ADAM12: variants seen among roughly 807,000 people sequenced by gnomAD.
The protein encoded by ADAM12 is ADAM metallopeptidase domain 12, also known as disintegrin and metalloproteinase domain-containing protein 12.
In ADAM12, 70 loss-of-function variants were observed where a neutral mutation model predicts 106.4. That is an observed-to-expected ratio of 0.66 (90% CI 0.54 to 0.80). The LOEUF (loss-of-function observed/expected upper bound fraction) is 0.80. Among genes scored for constraint, ADAM12 ranks in the 30% least tolerant of loss-of-function variants. ADAM12 has a pLI of 0.00. For missense variants in ADAM12, 1,010 were observed against 1,171.9 expected (o/e 0.86, Z 2.02); for synonymous variants, 420 against 433.5 (o/e 0.97, Z 0.39).
chr10:126,120,323 A>T (rs1219193934), intron 5 of ADAM12, among the ~76,000 whole-genome samples: 2 of 152,208 alleles, frequency 1.3e-5, no homozygotes, highest in African/African-American at 4.8e-5. Context: ...TGATTACTCA[A>T]TGGGGGCACA....
intron 4 of ADAM12, among the ~76,000 whole-genome samples, chr10:126,142,849 G>C (rs1956539132): frequency 6.6e-6 from 1 of 152,146 alleles, no homozygotes; most frequent in South Asian, 2.1e-4. Flanking sequence ...GTGTATGTGT[G>C]TCTATAGGTG....
At chr10:126,160,392 A>G (rs1276872990) in intron 3 of ADAM12, among the ~76,000 whole-genome samples, 1 of 152,228 alleles carries the variant, frequency 6.6e-6, no homozygotes, top group Non-Finnish European at 1.5e-5. Context: ...TCCAAAAAAA[A>G]GCCCCAAACT....
intron 1 of ADAM12, among the ~76,000 whole-genome samples, chr10:126,358,383 T>C (rs1320608696): frequency 1.3e-5 from 2 of 152,086 alleles, no homozygotes; most frequent in Non-Finnish European, 2.9e-5. Flanking sequence ...TAAGAGAACA[T>C]AGGACAAAAA....
At chr10:126,239,003 G>A (rs531301898) in intron 3 of ADAM12, among the ~76,000 whole-genome samples, 3 of 152,308 alleles carry the variant, frequency 2.0e-5, no homozygotes, top group African/African-American at 7.2e-5. Flanking sequence ...AAATAGTTAG[G>A]CCTCAGGTTC....
At chr10:126,110,492 A>G (rs1415597072) in intron 6 of ADAM12, among the ~76,000 whole-genome samples, 1 of 152,062 alleles carries the variant, frequency 6.6e-6, no homozygotes, top group Non-Finnish European at 1.5e-5. Context: ...AAAAAAAAAG[A>G]GCAAAGAGAA....
intron 8 of ADAM12, among the ~76,000 whole-genome samples, chr10:126,105,737 T>A (rs1955754712): frequency 6.6e-6 from 1 of 152,236 alleles, no homozygotes; most frequent in Non-Finnish European, 1.5e-5. Flanking sequence ...CTAACTGCCG[T>A]GCTATCTTTG....
At chr10:126,277,189 A>T (rs1959297903) in intron 3 of ADAM12, among the ~76,000 whole-genome samples, 1 of 152,222 alleles carries the variant, frequency 6.6e-6, no homozygotes, top group East Asian at 1.9e-4. Context: ...TTTTTAAAAA[A>T]TGTTAGGGTT....
intron 6 of ADAM12, among the ~76,000 whole-genome samples, chr10:126,112,882 T>C (rs1371534251): frequency 6.6e-6 from 1 of 152,112 alleles, no homozygotes; most frequent in East Asian, 1.9e-4. Context: ...GAAACCCATA[T>C]TCCTGAAACC....
At chr10:126,087,673 C>T (rs1266716369) in intron 11 of ADAM12, among the ~76,000 whole-genome samples, 2 of 152,158 alleles carry the variant, frequency 1.3e-5, no homozygotes, top group Non-Finnish European at 2.9e-5. Context: ...TCATAATCTC[C>T]AACAGCACCC....
At chr10:126,198,142 T>G (rs1957632086) in intron 3 of ADAM12, among the ~76,000 whole-genome samples, 1 of 152,180 alleles carries the variant, frequency 6.6e-6, no homozygotes, top group African/African-American at 2.4e-5. Flanking sequence ...CTCTCCTCCC[T>G]TGAGTCCACG....
intron 3 of ADAM12, among the ~76,000 whole-genome samples, chr10:126,169,907 CAG>C (rs1344892849): frequency 1.3e-5 from 2 of 152,234 alleles, no homozygotes; most frequent in African/African-American, 2.4e-5. Context: ...GCTGGTATCT[CAG>C]AGTCTTCTGA....
intron 3 of ADAM12, among the ~76,000 whole-genome samples, chr10:126,252,101 TTGGATGGATGGATGGGA>T (rs1218089829): frequency 9.5e-5 from 4 of 42,192 alleles, no homozygotes; most frequent in South Asian, 1.6e-3. Flanking sequence ...ATGGGATGGA[TTGGATGGATGGATGGGA>T]TGGATGGATG....
intron 3 of ADAM12, among the ~76,000 whole-genome samples, chr10:126,236,624 G>C (rs1354153481): frequency 5.3e-5 from 8 of 151,988 alleles, no homozygotes; most frequent in Admixed American, 4.6e-4. Context: ...GCACCCACAG[G>C]AAGGAGCACT....
chr10:126,268,099 T>G (rs1279085433), intron 3 of ADAM12, among the ~76,000 whole-genome samples: 2 of 152,182 alleles, frequency 1.3e-5, no homozygotes, highest in African/African-American at 4.8e-5. Flanking sequence ...AACAGAAACT[T>G]TGCCCACCAA....
chr10:126,026,273 TAAG>T (rs1448256800), intron 21 of ADAM12, among the ~76,000 whole-genome samples: 1 of 152,176 alleles, frequency 6.6e-6, no homozygotes, highest in African/African-American at 2.4e-5. Context: ...AAGAGTTCAA[TAAG>T]AAGAGCTAAC....
In ADAM12 at chr10:126,155,230, G is replaced by A; in HGVS notation, c.336C>T (p.Tyr112=). ...GATCCCAACGTGCCAGAATTACCGTGTAATTTCGAGCGAGGGAGACATCAG... is the reference window on the plus strand; with the variant it reads ...GATCCCAACGTGCCAGAATTACCGTATAATTTCGAGCGAGGGAGACATCAG... ...DGTDVSLARN[Y]TGHCYYHGHV... The change falls in exon 4 of 23, where the codon TAC becomes TAT. Residue 112 remains tyrosine, a synonymous_variant. Coordinates refer to ENST00000448723, the MANE Select transcript of ADAM12 (RefSeq NM_001288973.2). The A allele has an allele frequency of 6.2e-7, 1 of 1,614,042 alleles. No homozygotes were observed. The highest frequency in any genetic ancestry group is 8.5e-7 in the Non-Finnish European group (1 of 1,179,906).
chr10:126,167,158 A>C (rs915731841), intron 3 of ADAM12, among the ~76,000 whole-genome samples: 2 of 152,228 alleles, frequency 1.3e-5, no homozygotes, highest in African/African-American at 2.4e-5. Flanking sequence ...CCTCCTAAGC[A>C]AAGGCACTTT....
chr10:126,288,816 C>T (rs3858319), intron 2 of ADAM12, among the ~76,000 whole-genome samples: 60,764 of 149,970 alleles, frequency 0.41, 12,467 homozygotes, highest in South Asian at 0.48. Flanking sequence ...CATGGTGACA[C>T]GGTGGCCCAG....
chr10:126,150,833 G>A (rs917534221), intron 4 of ADAM12, among the ~76,000 whole-genome samples: 1 of 152,074 alleles, frequency 6.6e-6, no homozygotes, highest in African/African-American at 2.4e-5. Context: ...ATTTCAATAG[G>A]TAAAGTTGAA....
Sources: gnomAD v4.1 joint callset for allele counts (sites outside exome capture counted in the v4.1 genomes callset) on GRCh38, gnomAD v4.1.1 for gene constraint, MANE v1.5 for transcripts, NCBI Gene and HGNC (gene_info 2026-07-23, HGNC 2026-07-21) for gene names.